Variants in DLG2 observed in about 807,000 individuals in gnomAD.
DLG2 encodes the protein discs large MAGUK scaffold protein 2, also known as disks large homolog 2.
A neutral mutation model predicts 132.5 loss-of-function variants in DLG2; 45 were observed. The ratio of observed to expected loss-of-function variants is 0.34; its 90% CI spans 0.27 to 0.44. The LOEUF (loss-of-function observed/expected upper bound fraction) is 0.44. DLG2 is among the 20% of genes least tolerant of loss of function. DLG2 has a pLI of 1.00. For missense variants in DLG2, 1,045 were observed against 1,196.9 expected, an observed-to-expected ratio of 0.87 and a Z score of 1.87; for synonymous variants, 424 against 419.6, an observed-to-expected ratio of 1.01 and a Z score of -0.13.
At chr11:84,280,586 A>C (rs2097843721) in intron 7 of DLG2, among the ~76,000 whole-genome samples, 3 of 152,276 alleles carry the variant, frequency 2.0e-5, no homozygotes, top group African/African-American at 7.2e-5. Context: ...GTACACTGAA[A>C]ACTACAAAAA....
chr11:83,553,483 C>CGTGTGTGTGTGTGTGTGTGTGTGT (rs71959561), intron 19 of DLG2, among the ~76,000 whole-genome samples: 4 of 143,772 alleles, frequency 2.8e-5, no homozygotes, highest in African/African-American at 8.0e-5. Flanking sequence ...AAGTAAGCAC[C>CGTGTGTGTGTGTGTGTGTGTGTGT]GTGTGTGTGT....
At position 85,388,533 on chromosome 11, in the gene DLG2, T is replaced by A. The variant is rs1238544383; in HGVS notation, c.41-103168A>T. 3.3e-5 allele frequency among the ~76,000 whole-genome samples: 5 copies of A among 151,600 alleles called. No individual in the cohort carries two copies. In the East Asian group the frequency reaches 9.7e-4, roughly 29 times the overall value. ...GAAAGCACCACCTTCTGGCTGGAGG[T>A]CAAGCACCACAAAACCAGAGCACTT... On this transcript the variant is annotated intron_variant, in intron 3 of 27. Transcript: ENST00000376104.
chr11:83,751,078 C>G (rs2093275804), intron 18 of DLG2, among the ~76,000 whole-genome samples: 2 of 152,106 alleles, frequency 1.3e-5, no homozygotes, highest in Admixed American at 1.3e-4. Context: ...AGTCAGAATA[C>G]AAAGCAGAGA....
chr11:83,841,339 T>G (rs776845115), intron 16 of DLG2, among the ~76,000 whole-genome samples: 4 of 152,256 alleles, frequency 2.6e-5, no homozygotes, highest in African/African-American at 4.8e-5. Context: ...TGCTGAAGGC[T>G]CTGTTACTAA....
intron 17 of DLG2, among the ~76,000 whole-genome samples, chr11:83,792,394 TA>T: frequency 6.6e-6 from 1 of 152,006 alleles, no homozygotes; most frequent in East Asian, 1.9e-4. Flanking sequence ...ATATGAAAAA[TA>T]AAATTAATAT....
At chr11:85,282,470 A>G (rs2078291481) in intron 4 of DLG2, among the ~76,000 whole-genome samples, 1 of 151,538 alleles carries the variant, frequency 6.6e-6, no homozygotes, top group Non-Finnish European at 1.5e-5. Context: ...CATGTACCCC[A>G]TAAATATGTA....
chr11:84,926,477 G>A (rs1015845704), intron 6 of DLG2, among the ~76,000 whole-genome samples: 8 of 151,896 alleles, frequency 5.3e-5, no homozygotes, highest in Non-Finnish European at 1.0e-4. Context: ...TATGTGGAAA[G>A]ATGTCCAAGT....
intron 6 of DLG2, among the ~76,000 whole-genome samples, chr11:84,972,480 C>A (rs2054240400): frequency 6.6e-6 from 1 of 152,162 alleles, no homozygotes; most frequent in Admixed American, 6.5e-5. Context: ...TCCTTCTTTG[C>A]TTTGTGGTAA....
At chr11:84,321,876 G>T (rs1419946561) in intron 7 of DLG2, among the ~76,000 whole-genome samples, 2 of 152,122 alleles carry the variant, frequency 1.3e-5, no homozygotes, top group Non-Finnish European at 2.9e-5. Flanking sequence ...AGCATTCCCT[G>T]AATACCGGGT....
At chr11:85,216,863 T>C (rs1037680561) in intron 4 of DLG2, among the ~76,000 whole-genome samples, 58 of 152,114 alleles carry the variant, frequency 3.8e-4, no homozygotes, top group African/African-American at 1.3e-3. Flanking sequence ...GCCCAGCTAA[T>C]TTTTGTGTTT....
At chr11:84,846,362 T>C (rs1032666273) in intron 6 of DLG2, among the ~76,000 whole-genome samples, 5 of 152,286 alleles carry the variant, frequency 3.3e-5, no homozygotes, top group Non-Finnish European at 5.9e-5. Context: ...TCTTTCATTC[T>C]GTTACATACG....
intron 6 of DLG2, among the ~76,000 whole-genome samples, chr11:84,841,303 G>C (rs552740168): frequency 6.6e-6 from 1 of 151,876 alleles, no homozygotes; most frequent in Non-Finnish European, 1.5e-5. Flanking sequence ...TTTGTTTCCC[G>C]AAAGTTGGGT....
intron 17 of DLG2, among the ~76,000 whole-genome samples, chr11:83,819,567 G>T (rs1259311137): frequency 1.3e-5 from 2 of 148,576 alleles, no homozygotes; most frequent in Non-Finnish European, 3.0e-5. Context: ...ATAAATCTGA[G>T]AGTAGAATAA....
intron 21 of DLG2, chr11:83,486,147 A>G: frequency 1.6e-6 from 1 of 615,670 alleles, no homozygotes; most frequent in Non-Finnish European, 2.9e-6. Flanking sequence ...CTGCCCCCAA[A>G]TTTTCCTAGT....
chr11:84,984,447 T>C (rs959060894), intron 6 of DLG2, among the ~76,000 whole-genome samples: 2 of 151,964 alleles, frequency 1.3e-5, no homozygotes, highest in South Asian at 2.1e-4. Flanking sequence ...AATTTACCAC[T>C]ACCAAGCCAG....
chr11:83,837,516 A>G (rs1396620095), intron 16 of DLG2, among the ~76,000 whole-genome samples: 1 of 151,990 alleles, frequency 6.6e-6, no homozygotes, highest in Non-Finnish European at 1.5e-5. Context: ...CACTACTGAC[A>G]CTGCAGGGTT....
intron 15 of DLG2, among the ~76,000 whole-genome samples, chr11:83,909,105 G>A (rs1565597631): frequency 6.6e-6 from 1 of 152,176 alleles, no homozygotes; most frequent in Non-Finnish European, 1.5e-5. Context: ...GGAATGAAAG[G>A]AAATACAAGG....
chr11:84,316,791 A>C (rs1191222239), intron 7 of DLG2: 4 of 1,556,878 alleles, frequency 2.6e-6, no homozygotes, highest in Non-Finnish European at 3.5e-6. Context: ...CTTTCTTCAG[A>C]CACTCAAGGG....
At chr11:85,099,434 G>C (rs1316650205) in intron 6 of DLG2, among the ~76,000 whole-genome samples, 1 of 152,088 alleles carries the variant, frequency 6.6e-6, no homozygotes, top group Admixed American at 6.5e-5. Context: ...ACATCTCTTT[G>C]TTATTTCCTT....
Sources: allele counts gnomAD v4.1 joint callset (sites outside exome capture counted in the v4.1 genomes callset), GRCh38; gene constraint gnomAD v4.1.1; transcripts MANE v1.5; gene names NCBI Gene and HGNC (gene_info 2026-07-23, HGNC 2026-07-21).